Variants in TMEM120B observed in about 807,000 individuals in gnomAD.
TMEM120B encodes the protein transmembrane protein 120B.
In TMEM120B, 31 loss-of-function variants were observed where a neutral mutation model predicts 55.5. The observed-to-expected ratio is 0.56, with a 90% CI of 0.42 to 0.75. The LOEUF is 0.75. Ranked by LOEUF, TMEM120B falls within the 30% of genes least tolerant of loss-of-function variation. The pLI, the probability that TMEM120B is intolerant of heterozygous loss-of-function variation, is 0.00. For missense variants in TMEM120B, 399 were observed against 425.5 expected, an observed-to-expected ratio of 0.94 and a Z score of 0.55; for synonymous variants, 203 against 176.3, an observed-to-expected ratio of 1.15 and a Z score of -1.20.
At chr12:121,753,832 C>T (rs897192270) in intron 5 of TMEM120B, among the ~76,000 whole-genome samples, 2 of 152,228 alleles carry the variant, frequency 1.3e-5, no homozygotes. Flanking sequence ...CAGTCCCTGC[C>T]TCACAGGGCT....
At chr12:121,731,356 AT>A (rs1242402655) in intron 1 of TMEM120B, among the ~76,000 whole-genome samples, 4 of 152,000 alleles carry the variant, frequency 2.6e-5, no homozygotes, top group African/African-American at 9.7e-5. Context: ...AGCTCAAGTG[AT>A]TCTCCTGCCT....
In TMEM120B at chr12:121,775,352, G is replaced by A. The variant is rs1019904319; in HGVS notation, c.906+222G>A. 1 of 903,894 alleles carries A rather than the reference G, an allele frequency of 1.1e-6. No individual in the cohort carries two copies. The highest frequency in any genetic ancestry group is 1.8e-5 in the African/African-American group (1 of 55,468). 56.0% of individuals were successfully genotyped at this position (903,894 alleles called of 1,614,324 possible). On this transcript the variant is annotated intron_variant, in intron 11 of 11. Coordinates refer to ENST00000449592, the MANE Select transcript of TMEM120B (RefSeq NM_001080825.2). This position sits in a 1 kb window ranked among gnomAD's most constrained non-coding sequence, Gnocchi z 4.3. ...TTGTGGGGGGCCTGCTTGGCGGGAG[G>A]CTTCTGGAAGGGCTAGGGGTGGAGC...
Position 121,712,829 on chromosome 12 carries a change from G to T in TMEM120B, c.-67G>T. The T allele has an allele frequency of 8.0e-7, 1 of 1,242,928 alleles. No homozygotes were observed. The highest frequency in any genetic ancestry group is 1.0e-6 in the Non-Finnish European group (1 of 962,552). 77.0% of individuals were successfully genotyped at this position (1,242,928 alleles called of 1,614,324 possible). A position where few individuals can be genotyped will look rare whatever the true frequency, so the allele number is the denominator to read the frequency against. ...GTCGGCGAGCGCGCGGGCGTGGGGC[G>T]CTGGGGGGCCGGTCGGGCAGCGCTG... On this transcript the variant is annotated 5_prime_UTR_variant, in exon 1 of 12. Coordinates refer to ENST00000449592, the MANE Select transcript of TMEM120B (RefSeq NM_001080825.2).
rs1393642826 is a variant in TMEM120B at position 121,775,659 on chromosome 12, G to C, written c.957G>C (p.Leu319=). 1 of 1,614,032 alleles carries C rather than the reference G, an allele frequency of 6.2e-7. No homozygotes were observed. The highest frequency in any genetic ancestry group is 1.7e-5 in the Admixed American group (1 of 60,012). The change falls in exon 12 of 12, where the codon CTG becomes CTC. Residue 319 remains leucine, a synonymous_variant. Coordinates refer to ENST00000449592, the MANE Select transcript of TMEM120B (RefSeq NM_001080825.2). This position sits in a 1 kb window ranked among gnomAD's most constrained non-coding sequence, Gnocchi z 4.3. The part of the protein sequence containing the change: ...TFLILFLGNF[L]TTLKVVHAKL... ...TCATCCTCTTCCTCGGCAACTTCCTGACCACGCTCAAAGTCGTGCATGCCA... is the reference window on the plus strand; with the variant it reads ...TCATCCTCTTCCTCGGCAACTTCCTCACCACGCTCAAAGTCGTGCATGCCA...
At chr12:121,735,936 C>T (rs936653130) in intron 1 of TMEM120B, among the ~76,000 whole-genome samples, 13 of 151,896 alleles carry the variant, frequency 8.6e-5, no homozygotes, top group South Asian at 8.3e-4. Flanking sequence ...GTGATCCACC[C>T]GCATCGGCCT....
chr12:121,749,575 G>T (rs1216090121), intron 3 of TMEM120B, among the ~76,000 whole-genome samples: 1 of 152,242 alleles, frequency 6.6e-6, no homozygotes, highest in Non-Finnish European at 1.5e-5. Context: ...CTACTTTGGC[G>T]ACTGAGGTGG....
intron 9 of TMEM120B, among the ~76,000 whole-genome samples, chr12:121,773,951 CTTTTTTTTTTTTT>C (rs560321014): frequency 2.4e-4 from 23 of 96,618 alleles, no homozygotes; most frequent in African/African-American, 1.0e-3. Flanking sequence ...ACTCTGCTAT[CTTTTTTTTTTTTT>C]TTTTTTTTTT....
chr12:121,735,176 A>G (rs951965309), intron 1 of TMEM120B, among the ~76,000 whole-genome samples: 2 of 130,312 alleles, frequency 1.5e-5, no homozygotes, highest in Non-Finnish European at 3.2e-5. Flanking sequence ...ACAGAGCAAG[A>G]CTCTGTCTCA....
At chr12:121,759,507 GTC>G (rs1414844089) in intron 5 of TMEM120B, among the ~76,000 whole-genome samples, 2 of 149,624 alleles carry the variant, frequency 1.3e-5, no homozygotes, top group Admixed American at 1.3e-4. Flanking sequence ...GTGAAACCCT[GTC>G]TCTGTTGAAA....
chr12:121,717,768 C>T (rs570326314), intron 1 of TMEM120B, among the ~76,000 whole-genome samples: 21 of 152,216 alleles, frequency 1.4e-4, no homozygotes, highest in East Asian at 1.3e-3. Flanking sequence ...AGCGATTCTC[C>T]TGCCTCAGCC....
In TMEM120B at chr12:121,779,454, C is replaced by T. The variant is rs1040558023; in HGVS notation, c.*3732C>T. 6.3e-7 allele frequency: 1 copy of T among 1,597,190 alleles called. No individual in the cohort carries two copies. Among genetic ancestry groups the T allele is most frequent in the African/African-American group, 1.3e-5 (1 of 74,584 alleles). The stretch of plus-strand genomic sequence containing the variant: ...TCCCTGGTGCAATCGGCACCTGGGC[C>T]CCCGGGCCCTGTCAGTGCTGTCGTG... On this transcript the variant is annotated 3_prime_UTR_variant, in exon 12 of 12. Coordinates refer to ENST00000449592, the MANE Select transcript of TMEM120B (RefSeq NM_001080825.2).
At chr12:121,755,800 G>T (rs1175125350) in intron 5 of TMEM120B, among the ~76,000 whole-genome samples, 1 of 152,204 alleles carries the variant, frequency 6.6e-6, no homozygotes, top group Non-Finnish European at 1.5e-5. Context: ...CCACCTGAGG[G>T]TGAGGGAGCT....
At chr12:121,769,694 C>T (rs1178799473) in intron 6 of TMEM120B, among the ~76,000 whole-genome samples, 2 of 147,776 alleles carry the variant, frequency 1.4e-5, no homozygotes, top group African/African-American at 5.0e-5. Context: ...CAGAGTGAGA[C>T]CCTGCCTGGA....
intron 4 of TMEM120B, among the ~76,000 whole-genome samples, chr12:121,751,654 C>G (rs1592939029): frequency 6.7e-6 from 1 of 149,402 alleles, no homozygotes; most frequent in African/African-American, 2.5e-5. Context: ...CCCTCCCTCC[C>G]CTCCCTCCCC....
At chr12:121,719,138 A>T (rs976270486) in intron 1 of TMEM120B, among the ~76,000 whole-genome samples, 3 of 152,150 alleles carry the variant, frequency 2.0e-5, no homozygotes, top group African/African-American at 7.2e-5. Flanking sequence ...GGTCACGGTC[A>T]CATATCTGCT....
rs371564578 is a variant in TMEM120B at position 121,781,061 on chromosome 12, C to A, written c.*5339C>A. On this transcript the variant is annotated 3_prime_UTR_variant, in exon 12 of 12. Transcript: ENST00000449592. ...GCGGCCGGGCCCAGATGTGGGGCCA[C>A]CACCCAGGAGGCCGGCCTCACCTTG... 6.2e-7 allele frequency: 1 copy of A among 1,613,930 alleles called. No homozygotes were observed. Among genetic ancestry groups the A allele is most frequent in the Non-Finnish European group, 8.5e-7 (1 of 1,179,840 alleles).
chr12:121,735,834 G>A (rs1442480572), intron 1 of TMEM120B, among the ~76,000 whole-genome samples: 1 of 152,030 alleles, frequency 6.6e-6, no homozygotes, highest in South Asian at 2.1e-4. Context: ...GGGATTACAG[G>A]CGCATACCAC....
rs747182399 is a variant in TMEM120B, at chr12:121,773,559, G to C, written c.772+46G>C. 6 of 1,446,142 alleles carry C rather than the reference G, an allele frequency of 4.1e-6. No homozygotes were observed. The African/African-American group carries it at 5.8e-5, about 14-fold the overall frequency. 89.6% of individuals were successfully genotyped at this position (1,446,142 alleles called of 1,614,324 possible). On this transcript the variant is annotated intron_variant, in intron 9 of 11. Transcript: ENST00000449592. ...TGGAGCCGGGGCAGGTACTGGACCTGCCAGCTCCCCACACCGGGAGTGCAG... is the reference window on the plus strand; with the variant it reads ...TGGAGCCGGGGCAGGTACTGGACCTCCCAGCTCCCCACACCGGGAGTGCAG...
chr12:121,735,095 AG>A (rs1895081176), intron 1 of TMEM120B, among the ~76,000 whole-genome samples: 1 of 150,390 alleles, frequency 6.6e-6, no homozygotes, highest in East Asian at 2.0e-4. Context: ...CTGAGGCAGG[AG>A]AATCACTTGA....
Sources: gnomAD v4.1 joint callset for allele counts (sites outside exome capture counted in the v4.1 genomes callset) on GRCh38, gnomAD v4.1.1 for gene constraint, Gnocchi (gnomAD v3.1) non-coding constraint, MANE v1.5 for transcripts, NCBI Gene and HGNC (gene_info 2026-07-23, HGNC 2026-07-21) for gene names.